Variants in FGF12 observed in about 807,000 individuals in gnomAD.
FGF12 encodes fibroblast growth factor 12.
FGF12 carries 14 observed loss-of-function variants against 23.6 expected under a neutral mutation model. The observed-to-expected ratio is 0.59, with a 90% CI of 0.39 to 0.93. The LOEUF (loss-of-function observed/expected upper bound fraction) is 0.93, where lower values mean the gene tolerates loss of function less well. Among genes scored for constraint, FGF12 ranks in the 40% least tolerant of loss-of-function variants. The pLI is 0.00. For missense variants in FGF12, 175 were observed against 217.8 expected, an observed-to-expected ratio of 0.80 and a Z score of 1.24; for synonymous variants, 62 against 77.3, an observed-to-expected ratio of 0.80 and a Z score of 1.04.
chr3:192,415,665 C>T (rs1721324552), intron 2 of FGF12, among the ~76,000 whole-genome samples: 2 of 151,372 alleles, frequency 1.3e-5, no homozygotes, highest in South Asian at 4.2e-4. Context: ...GGTTTCTGCT[C>T]TGATCACCCC....
At chr3:192,412,336 G>C (rs1167477676) in intron 2 of FGF12, among the ~76,000 whole-genome samples, 1 of 152,334 alleles carries the variant, frequency 6.6e-6, no homozygotes, top group Middle Eastern at 3.4e-3. Flanking sequence ...AGGCACAGGA[G>C]AGAAGGAAGT....
chr3:192,431,236 G>A (rs1292090978), intron 2 of FGF12, among the ~76,000 whole-genome samples: 1 of 152,152 alleles, frequency 6.6e-6, no homozygotes, highest in Non-Finnish European at 1.5e-5. Context: ...CAGGAGCTGG[G>A]TTCTGAAAAG....
At chr3:192,206,083 T>C (rs143688511) in intron 4 of FGF12, among the ~76,000 whole-genome samples, 1 of 152,178 alleles carries the variant, frequency 6.6e-6, no homozygotes, top group African/African-American at 2.4e-5. Context: ...TTACATCACC[T>C]GAAGCTTTAG....
At chr3:192,255,820 A>G (rs1712348870) in intron 4 of FGF12, among the ~76,000 whole-genome samples, 1 of 152,082 alleles carries the variant, frequency 6.6e-6, no homozygotes, top group African/African-American at 2.4e-5. Context: ...TGTGCCTATT[A>G]TTAAGTCTAT....
Position 192,144,401 on chromosome 3 carries a change from A to C in FGF12, c.428-274T>G, listed in dbSNP as rs189617257. Among the ~76,000 whole-genome samples the C allele has an allele frequency of 7.4e-4, 113 of 152,122 alleles. 1 individual carries two copies. The highest frequency in any genetic ancestry group is 3.9e-4 in the East Asian group (2 of 5,166). On this transcript the variant is annotated intron_variant, in intron 5 of 5. Transcript: ENST00000445105. ...AGGCTTGAATCTTTACAGTTTCCTA[A>C]CCTAGAAAAGAGGATTTTCATCCAG...
At chr3:192,199,507 C>T (rs1390755544) in intron 4 of FGF12, among the ~76,000 whole-genome samples, 1 of 152,164 alleles carries the variant, frequency 6.6e-6, no homozygotes, top group Non-Finnish European at 1.5e-5. Context: ...AGCCAGCTAA[C>T]AAATGGAGGC....
At chr3:192,370,902 G>A (rs1719196707) in intron 2 of FGF12, among the ~76,000 whole-genome samples, 1 of 152,218 alleles carries the variant, frequency 6.6e-6, no homozygotes, top group Non-Finnish European at 1.5e-5. Flanking sequence ...ATCTTCCTAA[G>A]GGAGCACTAT....
intron 4 of FGF12, among the ~76,000 whole-genome samples, chr3:192,271,621 T>G (rs970062408): frequency 5.3e-5 from 8 of 152,194 alleles, no homozygotes; most frequent in African/African-American, 1.9e-4. Context: ...CTTCCAACCT[T>G]TACTTAATTT....
intron 5 of FGF12, among the ~76,000 whole-genome samples, chr3:192,160,292 T>C (rs187349145): frequency 2.6e-5 from 4 of 152,264 alleles, no homozygotes; most frequent in Admixed American, 2.6e-4. Flanking sequence ...CCTCAATTTA[T>C]AGTCTTTCCT....
intron 4 of FGF12, among the ~76,000 whole-genome samples, chr3:192,205,761 T>C: frequency 6.6e-6 from 1 of 152,184 alleles, no homozygotes; most frequent in African/African-American, 2.4e-5. Context: ...TAATTGATTA[T>C]GGGATCATAG....
chr3:192,490,525 A>T (rs544431950), intron 2 of FGF12, among the ~76,000 whole-genome samples: 5 of 149,760 alleles, frequency 3.3e-5, no homozygotes, highest in African/African-American at 1.3e-4. Flanking sequence ...ATACATTCAC[A>T]AATATACACA....
chr3:192,548,814 A>T (rs1725559713), intron 2 of FGF12, among the ~76,000 whole-genome samples: 1 of 151,932 alleles, frequency 6.6e-6, no homozygotes, highest in Non-Finnish European at 1.5e-5. Flanking sequence ...ACACAGCATT[A>T]AAAAAAACCT....
intron 4 of FGF12, among the ~76,000 whole-genome samples, chr3:192,226,266 T>C (rs12636587): frequency 0.33 from 50,137 of 152,054 alleles, 9,430 homozygotes; most frequent in East Asian, 0.89. Context: ...CTTTGTTTCA[T>C]GCATGATTAC....
intron 2 of FGF12, among the ~76,000 whole-genome samples, chr3:192,592,612 C>T (rs982605102): frequency 6.6e-6 from 1 of 151,844 alleles, no homozygotes; most frequent in Non-Finnish European, 1.5e-5. Flanking sequence ...GCTCCTCTAC[C>T]ATCATAATAT....
chr3:192,167,770 A>ATATATATATATATATATAT (rs1421281367), intron 5 of FGF12, among the ~76,000 whole-genome samples: 1 of 9,104 alleles, frequency 1.1e-4, no homozygotes. Flanking sequence ...TATATATATA[A>ATATATATATATATATATAT]AATTTTTTTT....
chr3:192,348,473 AAT>A (rs1218517028), intron 3 of FGF12, among the ~76,000 whole-genome samples: 1 of 152,162 alleles, frequency 6.6e-6, no homozygotes, highest in Non-Finnish European at 1.5e-5. Flanking sequence ...ATCTCTAAAA[AAT>A]GTTTTAATAT....
At chr3:192,522,787 T>G (rs917313903) in intron 2 of FGF12, among the ~76,000 whole-genome samples, 4 of 152,212 alleles carry the variant, frequency 2.6e-5, no homozygotes, top group African/African-American at 4.8e-5. Context: ...TCTGTGAAAT[T>G]TATTACTGAA....
At chr3:192,705,447 AT>A (rs1718436401) in intron 2 of FGF12, among the ~76,000 whole-genome samples, 1 of 152,236 alleles carries the variant, frequency 6.6e-6, no homozygotes, top group South Asian at 2.1e-4. Flanking sequence ...GAAGTCAATT[AT>A]GTCTACAACA....
intron 2 of FGF12, among the ~76,000 whole-genome samples, chr3:192,406,515 T>C (rs185041160): frequency 3.5e-4 from 54 of 152,282 alleles, no homozygotes; most frequent in African/African-American, 1.3e-3. Context: ...TATTTTCCAC[T>C]AGGTGAGTTA....
Sources: gnomAD v4.1 joint callset for allele counts (sites outside exome capture counted in the v4.1 genomes callset) on GRCh38, gnomAD v4.1.1 for gene constraint, MANE v1.5 for transcripts, NCBI Gene and HGNC (gene_info 2026-07-23, HGNC 2026-07-21) for gene names.